GABRG3: variants seen among roughly 807,000 people sequenced by gnomAD.
GABRG3 encodes the protein gamma-aminobutyric acid type A receptor subunit gamma3.
GABRG3 carries 25 observed loss-of-function variants against 48.8 expected under a neutral mutation model. The observed-to-expected ratio is 0.51, with a 90% confidence interval of 0.37 to 0.72. The LOEUF (loss-of-function observed/expected upper bound fraction) is 0.72. Among genes scored for constraint, GABRG3 ranks in the 30% least tolerant of loss-of-function variants. The pLI is 0.00. For synonymous variants in GABRG3, 227 were observed against 217.6 expected (o/e 1.04, Z -0.38); for missense variants, 394 against 577.9 (o/e 0.68, Z 3.26).
chr15:27,496,507 G>A (rs945485378), intron 6 of GABRG3, among the ~76,000 whole-genome samples: 2 of 152,154 alleles, frequency 1.3e-5, no homozygotes, highest in African/African-American at 4.8e-5. Context: ...TCTGGGTTAT[G>A]TGATGCAAAA....
chr15:27,308,309 CATATATAAACATACGTTT>C (rs1475587007), intron 3 of GABRG3, among the ~76,000 whole-genome samples: 1 of 124,080 alleles, frequency 8.1e-6, no homozygotes, highest in Non-Finnish European at 1.6e-5. Context: ...ATCATATAAA[CATATATAAACATACGTTT>C]ATATATAAAC....
chr15:27,346,324 A>G (rs1315854613), intron 5 of GABRG3, among the ~76,000 whole-genome samples: 1 of 152,146 alleles, frequency 6.6e-6, no homozygotes, highest in Non-Finnish European at 1.5e-5. Context: ...TAAAATTTAC[A>G]CCCTTCATTC....
intron 2 of GABRG3, among the ~76,000 whole-genome samples, chr15:27,025,058 G>A (rs1057081898): frequency 4.9e-5 from 7 of 142,210 alleles, no homozygotes; most frequent in Admixed American, 1.4e-4. Flanking sequence ...TCTACTAAAA[G>A]CGCTTCATTT....
intron 6 of GABRG3, among the ~76,000 whole-genome samples, chr15:27,491,527 A>G (rs1890355300): frequency 6.6e-6 from 1 of 152,112 alleles, no homozygotes; most frequent in African/African-American, 2.4e-5. Flanking sequence ...CCTTGATTCT[A>G]CAGTTGATAT....
chr15:27,185,886 A>C (rs1888076986), intron 3 of GABRG3, among the ~76,000 whole-genome samples: 4 of 152,056 alleles, frequency 2.6e-5, no homozygotes, highest in Admixed American at 2.6e-4. Flanking sequence ...ATATTTTTTC[A>C]TACTTTTACT....
At chr15:27,057,199 T>A (rs1357675293) in intron 3 of GABRG3, among the ~76,000 whole-genome samples, 1 of 152,192 alleles carries the variant, frequency 6.6e-6, no homozygotes, top group Non-Finnish European at 1.5e-5. Context: ...GGTGGATCTT[T>A]CTTCCTAACT....
At chr15:27,377,523 T>C (rs1895636009) in intron 5 of GABRG3, among the ~76,000 whole-genome samples, 1 of 152,196 alleles carries the variant, frequency 6.6e-6, no homozygotes. Context: ...GGCATGTCTC[T>C]TGTGGTGGCA....
At chr15:27,349,348 G>T (rs1444906701) in intron 5 of GABRG3, among the ~76,000 whole-genome samples, 1 of 152,120 alleles carries the variant, frequency 6.6e-6, no homozygotes. Flanking sequence ...GGGCCTGAAC[G>T]TAAAATGAAG....
At chr15:27,403,191 T>C (rs1015112161) in intron 5 of GABRG3, among the ~76,000 whole-genome samples, 4 of 151,402 alleles carry the variant, frequency 2.6e-5, no homozygotes, top group African/African-American at 7.3e-5. Flanking sequence ...AAGTAGAAGA[T>C]TGGCCAGAAT....
intron 3 of GABRG3, among the ~76,000 whole-genome samples, chr15:27,323,943 C>T (rs1239571072): frequency 1.3e-5 from 2 of 152,150 alleles, no homozygotes; most frequent in African/African-American, 2.4e-5. Context: ...CAGGGCCCTC[C>T]GAGGAGTGGC....
chr15:27,471,704 CA>C (rs1889792380), intron 5 of GABRG3, among the ~76,000 whole-genome samples: 1 of 152,048 alleles, frequency 6.6e-6, no homozygotes, highest in African/African-American at 2.4e-5. Flanking sequence ...AGAATGGATC[CA>C]AATTGATTTT....
chr15:27,403,929 C>CA lies in GABRG3; in HGVS notation c.574+75053dup, dbSNP rs758952317. Among the ~76,000 whole-genome samples the CA allele has an allele frequency of 6.2e-3, 513 of 83,246 alleles. 3 individuals are homozygous for CA. The highest frequency in any genetic ancestry group is 0.017 in the African/African-American group (287 of 16,590). The allele number at this position is 83,246 out of a possible 152,430, so 54.6% of individuals were successfully genotyped here. ...CAAAAAAAAACAAAAAAAAAAAAAA[C>CA]AAAAAAAAAAAACCGGGCTTGGTAG... On this transcript the variant is annotated intron_variant, in intron 5 of 9. Coordinates refer to ENST00000615808, the MANE Select transcript of GABRG3 (RefSeq NM_033223.5).
chr15:27,169,068 A>G (rs1887476707), intron 3 of GABRG3, among the ~76,000 whole-genome samples: 2 of 152,222 alleles, frequency 1.3e-5, no homozygotes, highest in South Asian at 4.1e-4. Flanking sequence ...CTGGGAGTGC[A>G]ATGGTGAGCA....
chr15:27,060,532 A>G (rs888443856), intron 3 of GABRG3, among the ~76,000 whole-genome samples: 1 of 152,222 alleles, frequency 6.6e-6, no homozygotes, highest in African/African-American at 2.4e-5. Context: ...GAATGTCAAC[A>G]GATGCATGCT....
intron 3 of GABRG3, chr15:27,280,190 T>C (rs1891389271): frequency 6.6e-6 from 1 of 152,164 alleles, no homozygotes; most frequent in Non-Finnish European, 1.5e-5. Context: ...AATTTTGCTA[T>C]TCTTTTTTCT....
At chr15:27,426,664 A>G (rs558537358) in intron 5 of GABRG3, among the ~76,000 whole-genome samples, 9 of 152,158 alleles carry the variant, frequency 5.9e-5, no homozygotes, top group East Asian at 3.9e-4. Context: ...ATAAATAAAT[A>G]AAAAATAAAA....
chr15:27,261,735 G>C (rs182827542), intron 3 of GABRG3, among the ~76,000 whole-genome samples: 14 of 151,984 alleles, frequency 9.2e-5, no homozygotes, highest in African/African-American at 3.4e-4. Context: ...ATTTCCATCT[G>C]TGGGAGCAAC....
intron 5 of GABRG3, among the ~76,000 whole-genome samples, chr15:27,446,160 C>T (rs760233514): frequency 1.3e-5 from 2 of 152,142 alleles, no homozygotes; most frequent in East Asian, 3.8e-4. Context: ...TTAGAATAAT[C>T]TTGTCCATGT....
chr15:27,461,046 C>T (rs769120242), intron 5 of GABRG3, among the ~76,000 whole-genome samples: 1 of 152,194 alleles, frequency 6.6e-6, no homozygotes, highest in Non-Finnish European at 1.5e-5. Flanking sequence ...AACATATCTA[C>T]TCTCCCACTT....
Sources: gnomAD v4.1 joint callset for allele counts (sites outside exome capture counted in the v4.1 genomes callset) on GRCh38, gnomAD v4.1.1 for gene constraint, MANE v1.5 for transcripts, NCBI Gene and HGNC (gene_info 2026-07-23, HGNC 2026-07-21) for gene names.